ARSG: variants seen among roughly 807,000 people sequenced by gnomAD.
ARSG encodes arylsulfatase G, also known as ASG.
Under a neutral mutation model 50.5 loss-of-function variants are expected in ARSG, and 37 were observed. The ratio of observed to expected loss-of-function variants is 0.73; its 90% CI spans 0.56 to 0.96. The LOEUF is 0.96. Ranked by LOEUF, ARSG falls within the 50% of genes least tolerant of loss-of-function variation. The pLI, the probability that ARSG is intolerant of heterozygous loss-of-function variation, is 0.00. For synonymous variants in ARSG, 225 were observed against 254.6 expected (o/e 0.88, Z 1.11); for missense variants, 629 against 675.3 (o/e 0.93, Z 0.76).
At chr17:68,332,116 A>T (rs2077801936) in intron 2 of ARSG, among the ~76,000 whole-genome samples, 1 of 152,200 alleles carries the variant, frequency 6.6e-6, no homozygotes, top group African/African-American at 2.4e-5. Context: ...GCGACCGGGG[A>T]TTATTTCATC....
chr17:68,348,833 A>G (rs1473442935), intron 4 of ARSG, among the ~76,000 whole-genome samples: 1 of 152,120 alleles, frequency 6.6e-6, no homozygotes, highest in African/African-American at 2.4e-5. Flanking sequence ...ATTCCTTCTA[A>G]GCACCCACGC....
chr17:68,412,908 C>T (rs1287933158), intron 11 of ARSG, among the ~76,000 whole-genome samples: 13 of 151,096 alleles, frequency 8.6e-5, no homozygotes, highest in Admixed American at 1.3e-4. Context: ...TCCAGTTGAT[C>T]GCACCGGCTC....
At chr17:68,291,198 G>A (rs2145228916), upstream of ARSG, 1 of 151,982 alleles carries the variant, frequency 6.6e-6, no homozygotes, top group South Asian at 2.1e-4. Flanking sequence ...ACCCCTTAGG[G>A]GGCGGGCCCG....
chr17:68,350,070 T>C, intron 4 of ARSG, among the ~76,000 whole-genome samples: 1 of 152,144 alleles, frequency 6.6e-6, no homozygotes. Flanking sequence ...GCAGGCGGGA[T>C]GCAGTGAAGA....
Position 68,420,590 on chromosome 17 carries a change from C to A in ARSG, c.*127C>A. 1 of 1,093,510 alleles carries A rather than the reference C, an allele frequency of 9.1e-7. No homozygotes were observed. Among genetic ancestry groups the A allele is most frequent in the Non-Finnish European group, 1.3e-6 (1 of 751,334 alleles). 67.7% of individuals were successfully genotyped at this position (1,093,510 alleles called of 1,614,324 possible). ...TCTTGGAGTTTAGTTTTGGAGTTAGCCTTGCATATCCCTTCTGTATCCTGT... is the reference window on the plus strand; with the variant it reads ...TCTTGGAGTTTAGTTTTGGAGTTAGACTTGCATATCCCTTCTGTATCCTGT... On this transcript the variant is annotated 3_prime_UTR_variant, in exon 12 of 12. Coordinates refer to ENST00000621439, the MANE Select transcript of ARSG (RefSeq NM_001267727.2).
At chr17:68,341,627 A>T (rs1442769159) in intron 2 of ARSG, among the ~76,000 whole-genome samples, 2 of 152,092 alleles carry the variant, frequency 1.3e-5, no homozygotes, top group South Asian at 4.1e-4. Flanking sequence ...CTGTGGCTCT[A>T]TTCATCTATT....
intron 1 of ARSG, chr17:68,267,798 C>T (rs1389119328): frequency 5.3e-5 from 8 of 152,134 alleles, no homozygotes; most frequent in Non-Finnish European, 1.0e-4. Flanking sequence ...ACCAGTTACC[C>T]GATACCTCTG....
chr17:68,278,216 T>A, intron 1 of ARSG: 1 of 1,614,164 alleles, frequency 6.2e-7, no homozygotes, highest in Non-Finnish European at 8.5e-7. Flanking sequence ...AGGTGAAGAC[T>A]TCAACGAAGA....
At chr17:68,385,693 G>A (rs908678723) in intron 9 of ARSG, among the ~76,000 whole-genome samples, 5 of 152,126 alleles carry the variant, frequency 3.3e-5, no homozygotes, top group African/African-American at 1.2e-4. Context: ...TCCTGGCTGT[G>A]TCTGCTGGAG....
intron 8 of ARSG, among the ~76,000 whole-genome samples, chr17:68,371,155 C>G (rs1033243217): frequency 7.9e-4 from 120 of 151,836 alleles, no homozygotes; most frequent in Non-Finnish European, 1.3e-3. Flanking sequence ...CCCATCTCTA[C>G]TAAAAATACA....
chr17:68,451,399 A>G, the ARSG span, among the ~76,000 whole-genome samples: 2 of 152,130 alleles, frequency 1.3e-5, no homozygotes, highest in African/African-American at 4.8e-5. Context: ...ACAACACTGC[A>G]CTCCAGCCTG....
intron 8 of ARSG, among the ~76,000 whole-genome samples, chr17:68,371,338 AAG>A (rs2146758454): frequency 7.0e-6 from 1 of 143,444 alleles, no homozygotes; most frequent in East Asian, 2.0e-4. Flanking sequence ...AAAAAAAAAG[AAG>A]GAGAGAGGCT....
intron 2 of ARSG, among the ~76,000 whole-genome samples, chr17:68,312,510 GT>G (rs1208049557): frequency 6.0e-5 from 9 of 149,760 alleles, no homozygotes; most frequent in African/African-American, 9.8e-5. Context: ...AGGCCTACAC[GT>G]TTTTTTTTTC....
rs1214710312 is a variant in ARSG at position 68,420,458 on chromosome 17, G to A, written c.1573G>A (p.Ala525Thr). Reference sequence around the variant, plus strand: ...CCAAATTGCCTGCCGCTGTCAAGCCGCATAACAGACCAATTTTTATTCCAC... The same window carrying A: ...CCAAATTGCCTGCCGCTGTCAAGCCACATAACAGACCAATTTTTATTCCAC... ...PYQIACRCQA[A>T] The change falls in exon 12 of 12, where the codon GCA becomes ACA. Residue 525 changes from alanine (A) to threonine (T), a missense_variant. Ala to Thr is a moderately conservative substitution (Grantham distance 58, BLOSUM62 0). Coordinates refer to ENST00000621439, the MANE Select transcript of ARSG (RefSeq NM_001267727.2). 18 of 1,607,816 alleles carry A rather than the reference G, an allele frequency of 1.1e-5. No homozygotes were observed. The highest frequency in any genetic ancestry group is 4.4e-5 in the South Asian group (4 of 90,688).
At chr17:68,285,873 C>T (rs536730089) in intron 1 of ARSG, among the ~76,000 whole-genome samples, 3 of 151,898 alleles carry the variant, frequency 2.0e-5, no homozygotes, top group South Asian at 2.1e-4. Flanking sequence ...CAATTCTTTG[C>T]GTCAGCCTCC....
downstream of ARSG, chr17:68,421,404 T>C: frequency 4.3e-6 from 1 of 234,712 alleles, no homozygotes; most frequent in Non-Finnish European, 8.6e-6. Context: ...GTATGTAATA[T>C]ACAAGAAATA....
At position 68,346,885 on chromosome 17, in the gene ARSG, G is replaced by A. The variant is rs911953675; in HGVS notation, c.407-240G>A. On this transcript the variant is annotated intron_variant, in intron 3 of 11. Transcript: ENST00000621439. ...TTCTCCGGGCTCCTGGTGATGGGCT[G>A]TCTTCCCCTTTCACTGTGGTTTCCC... 2.1e-6 allele frequency: 3 copies of A among 1,448,644 alleles called. 1 individual carries two copies. Among genetic ancestry groups the A allele is most frequent in the South Asian group, 2.4e-5 (2 of 82,430 alleles). The allele number at this position is 1,448,644 out of a possible 1,614,324, so 89.7% of individuals were successfully genotyped here. A position where few individuals can be genotyped will look rare whatever the true frequency, so the allele number is the denominator to read the frequency against.
intron 8 of ARSG, among the ~76,000 whole-genome samples, chr17:68,374,974 C>G (rs1054682089): frequency 1.3e-5 from 2 of 152,162 alleles, no homozygotes; most frequent in Non-Finnish European, 2.9e-5. Flanking sequence ...CTACTGTTTT[C>G]TATTCCTCCT....
intron 2 of ARSG, among the ~76,000 whole-genome samples, chr17:68,312,862 T>C (rs1410266471): frequency 2.6e-5 from 4 of 152,178 alleles, no homozygotes; most frequent in Admixed American, 1.3e-4. Context: ...TAGCTGGGAC[T>C]GCACGCTCAA....
Sources: allele counts gnomAD v4.1 joint callset (sites outside exome capture counted in the v4.1 genomes callset), GRCh38; gene constraint gnomAD v4.1.1; transcripts MANE v1.5; gene names NCBI Gene and HGNC (gene_info 2026-07-23, HGNC 2026-07-21).